The following CASP5 variants were observed in gnomAD, a reference collection of about 807,000 sequenced individuals.
CASP5 encodes the protein caspase-5.
CASP5 carries 42 observed loss-of-function variants against 45.2 expected under a neutral mutation model. The observed-to-expected ratio is 0.93, with a 90% CI of 0.73 to 1.20. The LOEUF is 1.20. CASP5 is among the 50% of genes most tolerant of loss of function. The pLI, the probability that CASP5 is intolerant of heterozygous loss-of-function variation, is 0.00. For synonymous variants in CASP5, 209 were observed against 186.2 expected (o/e 1.12, Z -1.00); for missense variants, 512 against 532.2 (o/e 0.96, Z 0.37).
chr11:105,008,615 T>C (rs1862119566), intron 2 of CASP5, among the ~76,000 whole-genome samples, 192 bp downstream of exon 2: 1 of 152,052 alleles, frequency 6.6e-6, no homozygotes, highest in South Asian at 2.1e-4. Context: ...CTCAGCCTTT[T>C]AGCCGATTGG....
At chr11:105,013,811 A>G (rs1226703272) in intron 1 of CASP5, among the ~76,000 whole-genome samples, 1 of 151,928 alleles carries the variant, frequency 6.6e-6, no homozygotes, top group Non-Finnish European at 1.5e-5. Context: ...TTGCTCCTCC[A>G]TATAGTAAAA....
Position 105,000,418 on chromosome 11 carries a change from C to T in CASP5, c.795G>A (p.Met265Ile). The T allele has an allele frequency of 6.2e-7, 1 of 1,614,224 alleles. No individual in the cohort carries two copies. The highest frequency in any genetic ancestry group is 1.7e-5 in the Admixed American group (1 of 60,030). ...AGATTCCCTCTAGGATGCCATGAGA[C>T]ATGAGTACCAAGAACGTGCTGTCAG... The part of the protein sequence containing the change: ...KSSDSTFLVL[M>I]SHGILEGICG... The change falls in exon 6 of 10, where the codon ATG becomes ATA. Residue 265 changes from methionine (M) to isoleucine (I), a missense_variant. By Grantham distance (10) the Met-to-Ile change is conservative (BLOSUM62 1). Transcript: ENST00000260315.
chr11:104,999,213 C>T (rs548584696), intron 6 of CASP5, among the ~76,000 whole-genome samples, 185 bp from the exon 7 acceptor site: 1 of 152,140 alleles, frequency 6.6e-6, no homozygotes, highest in South Asian at 2.1e-4. Context: ...TTGTCGCCCA[C>T]CCCCCGACTG....
Position 105,007,348 on chromosome 11 carries a change from A to G in CASP5, c.182-14T>C. On this transcript the variant is annotated splice_polypyrimidine_tract_variant and intron_variant, in intron 2 of 9. Transcript: ENST00000260315. The stretch of plus-strand genomic sequence containing the variant: ...TGTGGTTGTCTTCTGTCAGAAATAG[A>G]AAGACTCCTTTAACTATGGGCACAG... 2 of 1,589,712 alleles carry G rather than the reference A, an allele frequency of 1.3e-6. No homozygotes were observed. Among genetic ancestry groups the G allele is most frequent in the Non-Finnish European group, 1.7e-6 (2 of 1,175,800 alleles).
Position 105,021,515 on chromosome 11 carries a change from T to G in CASP5, c.7+1615A>C, listed in dbSNP as rs964466900. The stretch of plus-strand genomic sequence containing the variant: ...GTGGGCGAAGGACATGAACAGACAC[T>G]TCTCAAAAGAAGACATTTATGCAGC... On this transcript the variant is annotated intron_variant, in intron 1 of 9. Transcript: ENST00000260315. Among the ~76,000 whole-genome samples, 4 of 150,712 alleles carry G rather than the reference T, an allele frequency of 2.7e-5. No homozygotes were observed. The Admixed American group carries it at 2.7e-4, about 10-fold the overall frequency.
chr11:105,009,720 C>CACACACACATATAT (rs1376205553), intron 1 of CASP5, among the ~76,000 whole-genome samples: 6 of 64,064 alleles, frequency 9.4e-5, no homozygotes, highest in Non-Finnish European at 1.6e-4. Flanking sequence ...TATATACACA[C>CACACACACATATAT]ATATATATAT....
chr11:104,998,366 G>A (rs760853271), intron 7 of CASP5, among the ~76,000 whole-genome samples: 2 of 152,122 alleles, frequency 1.3e-5, no homozygotes, highest in Non-Finnish European at 2.9e-5. Flanking sequence ...ACTGTTTCCT[G>A]TAATTAGACC....
rs1591148584 is a variant in CASP5 at position 104,995,654 on chromosome 11, A to C, written c.*4+86T>G. 7 of 790,520 alleles carry C rather than the reference A, an allele frequency of 8.9e-6. No homozygotes were observed. In the East Asian group the frequency reaches 1.7e-4, roughly 20 times the overall value. The allele number at this position is 790,520 out of a possible 1,614,324, so 49.0% of individuals were successfully genotyped here. The stretch of plus-strand genomic sequence containing the variant: ...TAAAGAACACTAACTTGACCATATA[A>C]GCAGTCAGCTGTCATTGGTCATTGA... On this transcript the variant is annotated intron_variant, in intron 9 of 9. Transcript: ENST00000260315.
chr11:104,994,625 A>T (rs192257406), intron 9 of CASP5, among the ~76,000 whole-genome samples: 124 of 152,338 alleles, frequency 8.1e-4, no homozygotes, highest in Admixed American at 2.0e-3. Context: ...ATGTTCAAGC[A>T]CATTGTGATG....
At chr11:105,017,178 A>C (rs1214247832) in intron 1 of CASP5, among the ~76,000 whole-genome samples, 1 of 152,120 alleles carries the variant, frequency 6.6e-6, no homozygotes, top group African/African-American at 2.4e-5. Context: ...ATCAAAGACC[A>C]AAAGTAGAAA....
intron 7 of CASP5, among the ~76,000 whole-genome samples, chr11:104,998,647 G>A (rs1861579772): frequency 6.6e-6 from 1 of 152,048 alleles, no homozygotes; most frequent in South Asian, 2.1e-4. Flanking sequence ...TTTAATATTT[G>A]GTATGCCTTT....
rs1357864913 is a variant in CASP5 at position 105,007,263 on chromosome 11, T to C, written c.253A>G (p.Asn85Asp). The change falls in exon 3 of 10, where the codon AAT (asparagine) becomes GAT (aspartate). Residue 85 changes from asparagine (N) to aspartate (D), a missense_variant. Coordinates refer to ENST00000260315, the MANE Select transcript of CASP5 (RefSeq NM_004347.5). ...AGAACATCGTGTTTTGCCAAATAAT[T>C]AAAAACACCATGAAGAACATCTTTG... ...LGKDVLHGVF[N>D]YLAKHDVLTL... is the part of the protein sequence containing the mutation. 2 of 1,612,184 alleles carry C rather than the reference T, an allele frequency of 1.2e-6. No individual in the cohort carries two copies. The highest frequency in any genetic ancestry group is 3.3e-5 in the Admixed American group (2 of 59,970).
intron 1 of CASP5, among the ~76,000 whole-genome samples, chr11:105,013,451 A>G (rs1040545581): frequency 1.3e-5 from 2 of 152,114 alleles, no homozygotes; most frequent in Admixed American, 6.6e-5. Flanking sequence ...GGTAATGCAT[A>G]TGTTATTTAG....
intron 1 of CASP5, among the ~76,000 whole-genome samples, chr11:105,010,182 A>G (rs553463565): frequency 6.6e-6 from 1 of 151,116 alleles, no homozygotes; most frequent in African/African-American, 2.4e-5. Context: ...GGTTATCTTG[A>G]GTTCATATGC....
intron 1 of CASP5, among the ~76,000 whole-genome samples, chr11:105,017,219 G>GA (rs1862665397): frequency 6.6e-6 from 1 of 152,128 alleles, no homozygotes; most frequent in South Asian, 2.1e-4. Flanking sequence ...AAACAGAGCA[G>GA]AAAAACTGGA....
rs1861506607 is a variant in CASP5 at position 104,997,255 on chromosome 11, A to G, written c.1206+128T>C. ...AAAGCAGATTTTAAACACCTGAATG[A>G]CAGAAATCAGGTGCCATACTACTTT... On this transcript the variant is annotated intron_variant, in intron 8 of 9. Coordinates refer to ENST00000260315, the MANE Select transcript of CASP5 (RefSeq NM_004347.5). 5 of 676,390 alleles carry G rather than the reference A, an allele frequency of 7.4e-6. No homozygotes were observed. The East Asian group carries it at 1.1e-4, about 15-fold the overall frequency. The allele number at this position is 676,390 out of a possible 1,614,324, so 41.9% of individuals were successfully genotyped here.
At chr11:105,009,720 CATATATATATATATATATATATATATAT>C (rs199695891) in intron 1 of CASP5, among the ~76,000 whole-genome samples, 5,347 of 64,122 alleles carry the variant, frequency 0.083, 343 homozygotes, top group Middle Eastern at 0.18. Flanking sequence ...TATATACACA[CATATATATATATATATATATATATATAT>C]ATATATATAT....
chr11:104,994,823 CTG>C (rs2134682763), intron 9 of CASP5, among the ~76,000 whole-genome samples: 1 of 152,358 alleles, frequency 6.6e-6, no homozygotes, highest in Admixed American at 6.5e-5. Context: ...CTCTCCAACT[CTG>C]TGCATTCTTT....
At position 105,002,248 on chromosome 11, in the gene CASP5, T is replaced by G. The variant is rs559606569; in HGVS notation, c.544-47A>C. On this transcript the variant is annotated intron_variant, in intron 4 of 9. Transcript: ENST00000260315. ...CAACTTTGATTACCCGAGTCTCTTT[T>G]CAACCCCCATATGCCTCACAATTTT... 15 of 1,593,894 alleles carry G rather than the reference T, an allele frequency of 9.4e-6. 1 individual carries two copies. In the Admixed American group the frequency reaches 2.5e-4, roughly 27 times the overall value.
Sources: gnomAD v4.1 joint callset for allele counts (sites outside exome capture counted in the v4.1 genomes callset) on GRCh38, gnomAD v4.1.1 for gene constraint, MANE v1.5 for transcripts, NCBI Gene and HGNC (gene_info 2026-07-23, HGNC 2026-07-21) for gene names.